CEMIP: variants seen among roughly 807,000 people sequenced by gnomAD.
The protein encoded by CEMIP is cell migration inducing hyaluronidase 1, also known as cell migration-inducing and hyaluronan-binding protein.
Under a neutral mutation model 156.9 loss-of-function variants are expected in CEMIP, and 105 were observed. That is an observed-to-expected ratio of 0.67 (90% CI 0.57 to 0.79). The LOEUF (loss-of-function observed/expected upper bound fraction) is 0.79, where lower values mean the gene tolerates loss of function less well. Among genes scored for constraint, CEMIP ranks in the 30% least tolerant of loss-of-function variants. The pLI, the probability that CEMIP is intolerant of heterozygous loss-of-function variation, is 0.00. For missense variants in CEMIP, 1,457 were observed against 1,769.4 expected (o/e 0.82, Z 3.17); for synonymous variants, 676 against 668.4 (o/e 1.01, Z -0.17).
intron 1 of CEMIP, among the ~76,000 whole-genome samples, chr15:80,857,376 T>G (rs1245460778): frequency 1.3e-5 from 2 of 152,214 alleles, no homozygotes; most frequent in Non-Finnish European, 2.9e-5. Flanking sequence ...AGGGCTCTCA[T>G]GTAAGCCCTC....
At chr15:80,928,023 G>T (rs1900759199) in intron 19 of CEMIP, among the ~76,000 whole-genome samples, 2 of 152,168 alleles carry the variant, frequency 1.3e-5, no homozygotes, top group Admixed American at 1.3e-4. Context: ...GGATTCACCA[G>T]GCCCTTGAGC....
intron 29 of CEMIP, 23 bp from the exon 30 acceptor site, chr15:80,948,774 G>T (rs377067871): frequency 6.2e-7 from 1 of 1,613,984 alleles, no homozygotes; most frequent in Non-Finnish European, 8.5e-7. Context: ...CTTTTGCTCA[G>T]GAGACTCATC....
intron 19 of CEMIP, among the ~76,000 whole-genome samples, chr15:80,926,583 GGA>G (rs10566423): frequency 6.6e-6 from 1 of 151,916 alleles, no homozygotes. Flanking sequence ...GAGAGGGAAG[GGA>G]GAGAGAGAAA....
intron 1 of CEMIP, among the ~76,000 whole-genome samples, chr15:80,780,676 G>A (rs1895766674): frequency 6.6e-6 from 1 of 152,236 alleles, no homozygotes; most frequent in African/African-American, 2.4e-5. Flanking sequence ...TACCAGGGAC[G>A]GTGAGCCGGG....
At chr15:80,943,600 C>T (rs144102458) in intron 28 of CEMIP, among the ~76,000 whole-genome samples, 1 of 152,348 alleles carries the variant, frequency 6.6e-6, no homozygotes, top group Non-Finnish European at 1.5e-5. Context: ...TTGATGAAAT[C>T]ATCACAATTC....
At chr15:80,793,893 G>A (rs750516030) in intron 1 of CEMIP, among the ~76,000 whole-genome samples, 24 of 152,192 alleles carry the variant, frequency 1.6e-4, no homozygotes, top group Non-Finnish European at 2.8e-4. Context: ...ATGAAACTGG[G>A]CATCCCCGCC....
intron 1 of CEMIP, among the ~76,000 whole-genome samples, chr15:80,830,711 T>C (rs940255848): frequency 2.6e-5 from 4 of 152,204 alleles, no homozygotes; most frequent in African/African-American, 9.7e-5. Flanking sequence ...AAATTATCTT[T>C]ATTTTTAAGC....
chr15:80,841,831 C>A, intron 1 of CEMIP: 1 of 234,634 alleles, frequency 4.3e-6, no homozygotes, highest in Non-Finnish European at 9.2e-6. Flanking sequence ...ATCACACAGA[C>A]CTAGATTCAA....
At position 80,942,308 on chromosome 15, in the gene CEMIP, C is replaced by T. The variant is rs1388799498; in HGVS notation, c.3670C>T (p.His1224Tyr). Residue 1224 changes from histidine to tyrosine, a missense_variant, in exon 27 of 30, where the codon CAC becomes TAC. Transcript: ENST00000394685. ...GGAGAGTTCCAAGCAGCACTTCTTC[C>T]ACCTCTGGAACGACTTCGCTTACAT... ...KMESSKQHFF[H>Y]LWNDFAYIEV... 1.2e-6 allele frequency: 2 copies of T among 1,614,144 alleles called. No individual in the cohort carries two copies. The highest frequency in any genetic ancestry group is 1.1e-5 in the South Asian group (1 of 91,074).
intron 7 of CEMIP, among the ~76,000 whole-genome samples, chr15:80,885,020 G>A (rs1055423024): frequency 7.2e-5 from 11 of 152,222 alleles, no homozygotes; most frequent in African/African-American, 2.4e-4. Context: ...CTATCACCCC[G>A]GTATTAAGCC....
intron 1 of CEMIP, among the ~76,000 whole-genome samples, chr15:80,806,561 T>G (rs888498099): frequency 2.6e-5 from 4 of 152,172 alleles, no homozygotes; most frequent in African/African-American, 9.7e-5. Context: ...TAAATATGTG[T>G]GAAATCCCAC....
intron 3 of CEMIP, among the ~76,000 whole-genome samples, chr15:80,877,082 C>A (rs1253744318): frequency 1.3e-5 from 2 of 152,118 alleles, no homozygotes; most frequent in African/African-American, 4.8e-5. Flanking sequence ...CCTGATAAAA[C>A]CATCAGATTT....
chr15:80,809,741 T>G (rs748908060), intron 1 of CEMIP, among the ~76,000 whole-genome samples: 2 of 152,222 alleles, frequency 1.3e-5, no homozygotes, highest in Non-Finnish European at 2.9e-5. Flanking sequence ...TTCCTTAAGC[T>G]GGTAGGACTG....
At chr15:80,925,491 C>A in intron 18 of CEMIP, 133 bp from the exon 19 acceptor site, 1 of 1,224,094 alleles carries the variant, frequency 8.2e-7, no homozygotes. Flanking sequence ...CCAGGCAATG[C>A]GAATGGGTTT....
At chr15:80,786,953 G>C (rs1017370539) in intron 1 of CEMIP, among the ~76,000 whole-genome samples, 1 of 152,210 alleles carries the variant, frequency 6.6e-6, no homozygotes, top group Non-Finnish European at 1.5e-5. Flanking sequence ...ATGTCAAAAA[G>C]CCAAATTTGA....
intron 1 of CEMIP, among the ~76,000 whole-genome samples, chr15:80,869,157 T>G (rs1040856540): frequency 1.3e-5 from 2 of 152,194 alleles, no homozygotes; most frequent in African/African-American, 4.8e-5. Context: ...GTCTGCATCT[T>G]AGTCTCCTCT....
intron 1 of CEMIP, among the ~76,000 whole-genome samples, chr15:80,832,965 T>C (rs1897189416): frequency 6.6e-6 from 1 of 152,146 alleles, no homozygotes; most frequent in South Asian, 2.1e-4. Flanking sequence ...CGTGTGGCTT[T>C]CTCACAGCAT....
chr15:80,830,313 A>G (rs149242444), intron 1 of CEMIP, among the ~76,000 whole-genome samples: 23 of 152,334 alleles, frequency 1.5e-4, no homozygotes, highest in African/African-American at 5.5e-4. Context: ...TAATTAGCAT[A>G]AAGCAGCAGC....
rs1224025227 is a variant in CEMIP, at chr15:80,906,687, G to T, written c.1436G>T (p.Gly479Val). 29 of 1,614,058 alleles carry T rather than the reference G, an allele frequency of 1.8e-5. No individual in the cohort carries two copies. The highest frequency in any genetic ancestry group is 2.5e-5 in the Non-Finnish European group (29 of 1,179,916). ...GGGAAACCAATGTACCTGCACATCG[G>T]GGAGGAGATAGACGGCGTGGACATG... ...VAGKPMYLHI[G>V]EEIDGVDMRA... The change falls in exon 13 of 30, where the codon GGG (glycine) becomes GTG (valine). Residue 479 changes from glycine to valine, a missense_variant. Physicochemically the swap from Gly to Val is moderately radical, Grantham distance 109. Transcript: ENST00000394685. This position sits in a 1 kb window ranked among gnomAD's most constrained non-coding sequence, Gnocchi z 4.3.
Sources: allele counts gnomAD v4.1 joint callset (sites outside exome capture counted in the v4.1 genomes callset), GRCh38; gene constraint gnomAD v4.1.1; non-coding constraint Gnocchi (gnomAD v3.1); transcripts MANE v1.5; gene names NCBI Gene and HGNC (gene_info 2026-07-23, HGNC 2026-07-21).